The following SRPK2 variants were observed in gnomAD, a reference collection of about 807,000 sequenced individuals.
SRPK2 encodes the protein SRSF protein kinase 2.
A neutral mutation model predicts 90.8 loss-of-function variants in SRPK2; 21 were observed. The observed-to-expected ratio is 0.23, with a 90% CI of 0.16 to 0.33. SRPK2 has a LOEUF of 0.33. Ranked by LOEUF, SRPK2 falls within the 10% of genes least tolerant of loss-of-function variation. The probability of loss-of-function intolerance (pLI) is 1.00; values close to 1 mark genes in which losing one functional copy is unlikely to be tolerated. For synonymous variants in SRPK2, 288 were observed against 311.1 expected, an observed-to-expected ratio of 0.93 and a Z score of 0.78; for missense variants, 620 against 869.0, an observed-to-expected ratio of 0.71 and a Z score of 3.60.
intron 2 of SRPK2, among the ~76,000 whole-genome samples, chr7:105,263,132 G>A (rs1474728027): frequency 6.6e-6 from 1 of 152,082 alleles, no homozygotes; most frequent in African/African-American, 2.4e-5. Context: ...AGACCAGCCT[G>A]GCCAACAAGG....
intron 7 of SRPK2, among the ~76,000 whole-genome samples, chr7:105,154,312 T>A (rs1287252738): frequency 6.6e-6 from 1 of 152,156 alleles, no homozygotes; most frequent in African/African-American, 2.4e-5. Flanking sequence ...GGGCTCAACA[T>A]CCTGAGGAGA....
At chr7:105,266,465 C>T (rs1429542328) in intron 2 of SRPK2, among the ~76,000 whole-genome samples, 1 of 152,080 alleles carries the variant, frequency 6.6e-6, no homozygotes, top group Non-Finnish European at 1.5e-5. Context: ...ACTGCAGGAA[C>T]AAAATCAGTT....
intron 2 of SRPK2, chr7:105,204,935 G>A: frequency 2.9e-6 from 1 of 341,102 alleles, no homozygotes; most frequent in Non-Finnish European, 5.6e-6. Context: ...TCTGCCCAGT[G>A]GAAGGCCGAT....
chr7:105,209,075 T>C (rs1313680714), intron 2 of SRPK2, among the ~76,000 whole-genome samples: 2 of 152,220 alleles, frequency 1.3e-5, no homozygotes, highest in Non-Finnish European at 2.9e-5. Context: ...CAAATATCTA[T>C]GTAGAGATTT....
At chr7:105,326,286 T>C (rs2131614541) in intron 2 of SRPK2, among the ~76,000 whole-genome samples, 1 of 152,264 alleles carries the variant, frequency 6.6e-6, no homozygotes, top group East Asian at 1.9e-4. Flanking sequence ...CTTTTACCAC[T>C]CTATAATCCA....
intron 2 of SRPK2, among the ~76,000 whole-genome samples, chr7:105,293,056 A>T (rs1296762467): frequency 6.6e-6 from 1 of 151,642 alleles, no homozygotes; most frequent in East Asian, 1.9e-4. Context: ...GCCAAGGGGG[A>T]GGAGGGAGGG....
At chr7:105,374,338 C>T (rs1820052164) in intron 2 of SRPK2, among the ~76,000 whole-genome samples, 1 of 152,172 alleles carries the variant, frequency 6.6e-6, no homozygotes. Flanking sequence ...GTTAATTAGT[C>T]CTACTCCTGC....
intron 2 of SRPK2, among the ~76,000 whole-genome samples, chr7:105,237,064 A>T (rs1800230235): frequency 6.6e-6 from 1 of 152,210 alleles, no homozygotes. Flanking sequence ...CAGAGGCCAG[A>T]ATGCCATACA....
chr7:105,230,494 TACTCCAGCAC>T (rs910680445), intron 2 of SRPK2, among the ~76,000 whole-genome samples: 9 of 152,144 alleles, frequency 5.9e-5, no homozygotes, highest in Admixed American at 4.6e-4. Flanking sequence ...TTAGAAAGAT[TACTCCAGCAC>T]ACTTAAGCAT....
At chr7:105,214,514 TA>T (rs1797214497) in intron 2 of SRPK2, among the ~76,000 whole-genome samples, 1 of 152,218 alleles carries the variant, frequency 6.6e-6, no homozygotes, top group African/African-American at 2.4e-5. Context: ...TATTGGGATC[TA>T]AATGTCTATC....
At chr7:105,170,914 AG>A (rs1156229680) in intron 3 of SRPK2, among the ~76,000 whole-genome samples, 34 of 112,186 alleles carry the variant, frequency 3.0e-4, no homozygotes, top group Middle Eastern at 4.3e-3. Context: ...AAAGAAAGAA[AG>A]GAGAAAGAAA....
At chr7:105,187,585 T>C (rs1342775759) in intron 3 of SRPK2, among the ~76,000 whole-genome samples, 1 of 148,662 alleles carries the variant, frequency 6.7e-6, no homozygotes, top group Non-Finnish European at 1.5e-5. Flanking sequence ...AACTAAATGC[T>C]ATTATTAAAT....
At chr7:105,261,425 G>A (rs1253106348) in intron 2 of SRPK2, among the ~76,000 whole-genome samples, 1 of 152,030 alleles carries the variant, frequency 6.6e-6, no homozygotes, top group African/African-American at 2.4e-5. Context: ...GGAGGCTGAG[G>A]CAGGAGAATG....
chr7:105,257,688 G>T (rs1418564562), intron 2 of SRPK2, among the ~76,000 whole-genome samples: 1 of 151,808 alleles, frequency 6.6e-6, no homozygotes, highest in Non-Finnish European at 1.5e-5. Context: ...GGGTTTAACA[G>T]TCATTTTTTT....
intron 15 of SRPK2, chr7:105,125,823 G>A: frequency 1.5e-6 from 2 of 1,293,224 alleles, no homozygotes; most frequent in Admixed American, 2.3e-5. Context: ...CCCCAACATA[G>A]CGTATTTTCG....
chr7:105,218,800 G>T (rs774783198), intron 2 of SRPK2, among the ~76,000 whole-genome samples: 4 of 151,868 alleles, frequency 2.6e-5, no homozygotes, highest in Non-Finnish European at 4.4e-5. Flanking sequence ...GCATGACTGG[G>T]GACTGAGTGA....
At chr7:105,220,494 C>T (rs1374554573) in intron 2 of SRPK2, among the ~76,000 whole-genome samples, 1 of 152,002 alleles carries the variant, frequency 6.6e-6, no homozygotes, top group Non-Finnish European at 1.5e-5. Context: ...CCACTGCACT[C>T]CAGCCTGGCG....
intron 2 of SRPK2, among the ~76,000 whole-genome samples, chr7:105,277,413 A>G (rs1257477957): frequency 1.3e-5 from 2 of 152,206 alleles, no homozygotes; most frequent in African/African-American, 4.8e-5. Flanking sequence ...GCTGAAATGC[A>G]AAAGGCCCGC....
intron 3 of SRPK2, among the ~76,000 whole-genome samples, chr7:105,181,816 G>A (rs754090845): frequency 1.6e-4 from 24 of 149,370 alleles, no homozygotes; most frequent in Non-Finnish European, 2.4e-4. Flanking sequence ...CCAAATCCCC[G>A]TGACACACAG....
Sources: gnomAD v4.1 joint callset for allele counts (sites outside exome capture counted in the v4.1 genomes callset) on GRCh38, gnomAD v4.1.1 for gene constraint, MANE v1.5 for transcripts, NCBI Gene and HGNC (gene_info 2026-07-23, HGNC 2026-07-21) for gene names.